The following SLC7A13 variants were observed in gnomAD, a reference collection of about 807,000 sequenced individuals.
The protein encoded by SLC7A13 is solute carrier family 7 member 13, also known as X-amino acid transporter 2.
Under a neutral mutation model 32.0 loss-of-function variants are expected in SLC7A13, and 31 were observed. That is an observed-to-expected ratio of 0.97 (90% CI 0.73 to 1.31). SLC7A13 has a LOEUF of 1.31. Ranked by LOEUF, SLC7A13 falls within the 50% of genes most tolerant of loss-of-function variation. The probability of loss-of-function intolerance (pLI) is 0.00; values close to 1 mark genes in which losing one functional copy is unlikely to be tolerated. For missense variants in SLC7A13, 633 were observed against 546.9 expected, an observed-to-expected ratio of 1.16 and a Z score of -1.57; for synonymous variants, 232 against 206.9, an observed-to-expected ratio of 1.12 and a Z score of -1.04.
rs1050045403 is a variant in SLC7A13 at position 86,217,482 on chromosome 8, A to G, written c.1167T>C (p.Ser389=). 3 of 1,578,478 alleles carry G rather than the reference A, an allele frequency of 1.9e-6. No homozygotes were observed. The highest frequency in any genetic ancestry group is 1.4e-5 in the African/African-American group (1 of 73,318). The change falls in exon 3 of 4, where the codon TCT becomes TCC. Residue 389 remains serine (S), a synonymous_variant. Transcript: ENST00000297524. ...LRRRYQEPNL[S]IPYKVFLSFP... ...AATCCAATTTTACCTTATAAGGTAT[A>G]GATAGATTGGGTTCCTGGTATCTCC... is the stretch of plus-strand genomic sequence containing the variant.
At chr8:86,217,059 G>A (rs987563676) in intron 3 of SLC7A13, among the ~76,000 whole-genome samples, 5 of 152,166 alleles carry the variant, frequency 3.3e-5, no homozygotes, top group African/African-American at 1.2e-4. Flanking sequence ...TGCCAACAAA[G>A]TAAGCTGATG....
chr8:86,214,282 T>C lies in SLC7A13; in HGVS notation c.*131A>G, dbSNP rs1820139486. ...TAGGCACTTTTGTATACATTACTTATTTCATTTGAGAAAAAAATATTTACC... is the reference window on the plus strand; with the variant it reads ...TAGGCACTTTTGTATACATTACTTACTTCATTTGAGAAAAAAATATTTACC... On this transcript the variant is annotated 3_prime_UTR_variant, in exon 4 of 4. Transcript: ENST00000297524. The C allele has an allele frequency of 1.6e-6, 1 of 634,476 alleles. No individual in the cohort carries two copies. The highest frequency in any genetic ancestry group is 1.8e-5 in the African/African-American group (1 of 54,366). The allele number at this position is 634,476 out of a possible 1,614,324, so 39.3% of individuals were successfully genotyped here. A position where few individuals can be genotyped will look rare whatever the true frequency, so the allele number is the denominator to read the frequency against.
rs568241273 is a variant in SLC7A13, at chr8:86,228,626, A to G, written c.685+967T>C. Among the ~76,000 whole-genome samples the G allele has an allele frequency of 1.0e-3, 153 of 152,198 alleles. 1 individual carries two copies. Among genetic ancestry groups the G allele is most frequent in the African/African-American group, 3.4e-3 (140 of 41,518 alleles). The stretch of plus-strand genomic sequence containing the variant: ...TTTCGGAGGCAGAGGCGGGTGGCTC[A>G]CATGAGGCCAAGTGTTCGAGACCAA... On this transcript the variant is annotated intron_variant, in intron 1 of 3. Coordinates refer to ENST00000297524, the MANE Select transcript of SLC7A13 (RefSeq NM_138817.3).
chr8:86,223,797 A>G (rs1045718006), intron 1 of SLC7A13, among the ~76,000 whole-genome samples: 24 of 114,462 alleles, frequency 2.1e-4, no homozygotes, highest in Admixed American at 1.2e-3. Flanking sequence ...TAAAATGCAC[A>G]CACACACACA....
At chr8:86,219,036 T>A (rs1820243159) in intron 2 of SLC7A13, among the ~76,000 whole-genome samples, 1 of 152,182 alleles carries the variant, frequency 6.6e-6, no homozygotes, top group Admixed American at 6.6e-5. Context: ...GATATTTATT[T>A]TTTGTAACCC....
intron 2 of SLC7A13, among the ~76,000 whole-genome samples, chr8:86,219,385 G>T (rs1444512301): frequency 2.6e-5 from 4 of 152,164 alleles, no homozygotes; most frequent in Admixed American, 1.3e-4. Flanking sequence ...TTAGCTCTAT[G>T]CCACAAGGGA....
chr8:86,229,618 G>T lies in SLC7A13; in HGVS notation c.660C>A (p.Gly220=), dbSNP rs7814198. The T allele has an allele frequency of 1.2e-6, 2 of 1,613,476 alleles. No individual in the cohort carries two copies. The highest frequency in any genetic ancestry group is 1.7e-5 in the Admixed American group (1 of 59,968). The change falls in exon 1 of 4, where the codon GGC becomes GGA. Residue 220 remains glycine, a synonymous_variant. Coordinates refer to ENST00000297524, the MANE Select transcript of SLC7A13 (RefSeq NM_138817.3). The part of the protein sequence containing the change: ...AIFQGYFAYS[G]GACFTLIAGE... ...CTGCTATAAGTGTAAAGCATGCCCCGCCTGAATATGCAAAATATCCTTGGA... is the reference window on the plus strand; with the variant it reads ...CTGCTATAAGTGTAAAGCATGCCCCTCCTGAATATGCAAAATATCCTTGGA...
In SLC7A13 at chr8:86,217,580, T is replaced by G. The variant is rs938646646; in HGVS notation, c.1069A>C (p.Ile357Leu). The change falls in exon 3 of 4, where the codon ATT becomes CTT. Residue 357 changes from isoleucine to leucine, a missense_variant. Physicochemically the swap from Ile to Leu is conservative, Grantham distance 5. Transcript: ENST00000297524. ...GSLAIILTSL[I>L]DLINYIFFTG... is the part of the protein sequence containing the mutation. ...AAAAAAATATAGTTTATCAAATCAA[T>G]TAGACTTGTTAAGATAATTGCAAGG... 6.2e-7 allele frequency: 1 copy of G among 1,613,180 alleles called. No homozygotes were observed. Among genetic ancestry groups the G allele is most frequent in the African/African-American group, 1.3e-5 (1 of 74,878 alleles).
intron 3 of SLC7A13, among the ~76,000 whole-genome samples, chr8:86,216,963 T>G (rs1015914464): frequency 1.3e-5 from 2 of 152,332 alleles, no homozygotes; most frequent in Middle Eastern, 6.8e-3. Flanking sequence ...TTTCTACAAT[T>G]AAGTGGTTGT....
At chr8:86,225,513 T>C (rs1362768199) in intron 1 of SLC7A13, among the ~76,000 whole-genome samples, 1 of 152,200 alleles carries the variant, frequency 6.6e-6, no homozygotes, top group Non-Finnish European at 1.5e-5. Context: ...GCCTTTTACT[T>C]GTTCTCATTA....
At chr8:86,221,839 T>C (rs1820302578) in intron 2 of SLC7A13, among the ~76,000 whole-genome samples, 1 of 152,172 alleles carries the variant, frequency 6.6e-6, no homozygotes, top group Non-Finnish European at 1.5e-5. Flanking sequence ...GACGGAGCAC[T>C]GGTAGTCATA....
chr8:86,223,127 C>T lies in SLC7A13; in HGVS notation c.686-24G>A, dbSNP rs763464236. 2.0e-6 allele frequency: 3 copies of T among 1,535,526 alleles called. No individual in the cohort carries two copies. In the South Asian group the frequency reaches 3.9e-5, roughly 20 times the overall value. On this transcript the variant is annotated intron_variant, in intron 1 of 3. Coordinates refer to ENST00000297524, the MANE Select transcript of SLC7A13 (RefSeq NM_138817.3). ...CCCTATAACACAAAAGAGGACACAACCATAATTGGTAAACATTATTTCTAA... is the reference window on the plus strand; with the variant it reads ...CCCTATAACACAAAAGAGGACACAATCATAATTGGTAAACATTATTTCTAA...
rs1586152572 is a variant in SLC7A13 at position 86,230,049 on chromosome 8, T to C, written c.229A>G (p.Ser77Gly). The C allele has an allele frequency of 6.2e-7, 1 of 1,614,124 alleles. No homozygotes were observed. Among genetic ancestry groups the C allele is most frequent in the Non-Finnish European group, 8.5e-7 (1 of 1,180,010 alleles). The change falls in exon 1 of 4, where the codon AGT (serine) becomes GGT (glycine). Residue 77 changes from serine (S) to glycine (G), a missense_variant. Physicochemically the swap from Ser to Gly is moderately conservative, Grantham distance 56 (BLOSUM62 0). Transcript: ENST00000297524. ...SAEISISFPC[S>G]GAQYYFLKRY... The stretch of plus-strand genomic sequence containing the variant: ...TTGAGAAAATAGTATTGAGCTCCAC[T>C]GCATGGGAAGCTTATACTTATCTCT...
chr8:86,229,917 G>A lies in SLC7A13; in HGVS notation c.361C>T (p.Gln121Ter). 1 of 1,614,162 alleles carries A rather than the reference G, an allele frequency of 6.2e-7. No individual in the cohort carries two copies. Among genetic ancestry groups the A allele is most frequent in the Non-Finnish European group, 8.5e-7 (1 of 1,180,028 alleles). The part of the protein sequence containing the change: ...QALLLAEYSI[Q>*]PFFPSCSVPK... ...ACAGAGCAGCTGGGAAAAAAAGGCTGGATGCTGTACTCAGCAAGGAGCAGA... is the reference window on the plus strand; with the variant it reads ...ACAGAGCAGCTGGGAAAAAAAGGCTAGATGCTGTACTCAGCAAGGAGCAGA... Residue 121 changes from glutamine (Q) to a stop codon, truncating the protein, a stop_gained, in exon 1 of 4, where the codon CAG (glutamine) becomes TAG (stop). Transcript: ENST00000297524. LOFTEE classifies it high-confidence loss of function.
chr8:86,217,336 G>C (rs1326379667), intron 3 of SLC7A13, 134 bp downstream of exon 3: 1 of 830,914 alleles, frequency 1.2e-6, no homozygotes, highest in Non-Finnish European at 1.7e-6. Flanking sequence ...ACCAAGACTA[G>C]ATTATTCTCA....
At chr8:86,225,425 G>A (rs568889563) in intron 1 of SLC7A13, among the ~76,000 whole-genome samples, 20 of 152,120 alleles carry the variant, frequency 1.3e-4, no homozygotes, top group Non-Finnish European at 2.5e-4. Flanking sequence ...ATAAATGGTT[G>A]TTGTTAATTA....
chr8:86,215,458 T>G, intron 3 of SLC7A13: 1 of 228,952 alleles, frequency 4.4e-6, no homozygotes, highest in South Asian at 4.5e-5. Context: ...GAGGTCAAGG[T>G]GGATGGATCA....
rs143079584 is a variant in SLC7A13 at position 86,219,695 on chromosome 8, G to A, written c.818-1864C>T. Among the ~76,000 whole-genome samples, 162 of 152,084 alleles carry A rather than the reference G, an allele frequency of 1.1e-3. 1 individual carries two copies. Among genetic ancestry groups the A allele is most frequent in the African/African-American group, 3.7e-3 (153 of 41,492 alleles). On this transcript the variant is annotated intron_variant, in intron 2 of 3. Coordinates refer to ENST00000297524, the MANE Select transcript of SLC7A13 (RefSeq NM_138817.3). Reference sequence around the variant, plus strand: ...TTTTCATGTTCATCTTGCTCTTATTGGTACATTTGCATGCATCTAATTCTT... The same window carrying A: ...TTTTCATGTTCATCTTGCTCTTATTAGTACATTTGCATGCATCTAATTCTT...
intron 1 of SLC7A13, among the ~76,000 whole-genome samples, chr8:86,223,404 A>T (rs756938243): frequency 3.9e-5 from 6 of 152,134 alleles, no homozygotes; most frequent in Non-Finnish European, 7.4e-5. Context: ...GTTAATTATG[A>T]GTGAGAAGGT....
Sources: allele counts gnomAD v4.1 joint callset (sites outside exome capture counted in the v4.1 genomes callset), GRCh38; gene constraint gnomAD v4.1.1; transcripts MANE v1.5; gene names NCBI Gene and HGNC (gene_info 2026-07-23, HGNC 2026-07-21).